The following ADGRV1 variants were observed in gnomAD, a reference collection of about 807,000 sequenced individuals.
The protein encoded by ADGRV1 is adhesion G protein-coupled receptor V1.
A neutral mutation model predicts 596.2 loss-of-function variants in ADGRV1; 359 were observed. That is an observed-to-expected ratio of 0.60 (90% CI 0.55 to 0.66). ADGRV1 has a LOEUF of 0.66. Among genes scored for constraint, ADGRV1 ranks in the 30% least tolerant of loss-of-function variants. ADGRV1 has a pLI of 0.00. For missense variants in ADGRV1, 7,274 were observed against 7,575.6 expected, an observed-to-expected ratio of 0.96 and a Z score of 1.48; for synonymous variants, 2,681 against 2,679.2, an observed-to-expected ratio of 1.00 and a Z score of -0.02.
At chr5:90,587,291 A>G (rs143413533) in intron 1 of ADGRV1, among the ~76,000 whole-genome samples, 15 of 152,210 alleles carry the variant, frequency 9.9e-5, no homozygotes, top group African/African-American at 3.6e-4. Flanking sequence ...TTCTTTCCCC[A>G]GATACCAGTC....
intron 14 of ADGRV1, 107 bp downstream of exon 14, chr5:90,644,090 T>A: frequency 1.2e-6 from 1 of 814,560 alleles, no homozygotes; most frequent in Non-Finnish European, 1.8e-6. Flanking sequence ...TCACCCTGCC[T>A]TAGAAATTAC....
chr5:91,081,377 C>T (rs1410810558), intron 86 of ADGRV1, among the ~76,000 whole-genome samples: 3 of 152,118 alleles, frequency 2.0e-5, no homozygotes, highest in African/African-American at 7.2e-5. Context: ...TGTCTTGAGA[C>T]CAATATTGTT....
At chr5:90,633,794 AT>A (rs1451447806) in intron 9 of ADGRV1, among the ~76,000 whole-genome samples, 1 of 151,920 alleles carries the variant, frequency 6.6e-6, no homozygotes, top group African/African-American at 2.4e-5. Context: ...GATCAATCTA[AT>A]TTTTTTCTTT....
Position 90,653,616 on chromosome 5 carries a change from A to G in ADGRV1, c.4042A>G (p.Arg1348Gly). The G allele has an allele frequency of 6.2e-7, 1 of 1,613,722 alleles. No individual in the cohort carries two copies. The highest frequency in any genetic ancestry group is 1.3e-5 in the African/African-American group (1 of 75,064). ...GTVNPKYHPSRNNTIANFTFS... is the reference protein window; with the variant it reads ...GTVNPKYHPSGNNTIANFTFS... ...TGTTAATCCAAAATACCATCCCTCC[A>G]GGAATAATACAATTGCCAACTTTAC... The change falls in exon 20 of 90, where the codon AGG becomes GGG. Residue 1348 changes from arginine (R) to glycine (G), a missense_variant. Around this residue, in one of 5 missense-constraint regions of ADGRV1, gnomAD observed 1,715 missense variants for 1,708.8 expected, o/e 1.00. Coordinates refer to ENST00000405460, the MANE Select transcript of ADGRV1 (RefSeq NM_032119.4).
At chr5:90,875,799 T>C (rs1378482780) in intron 83 of ADGRV1, among the ~76,000 whole-genome samples, 1 of 152,178 alleles carries the variant, frequency 6.6e-6, no homozygotes, top group Non-Finnish European at 1.5e-5. Context: ...AAAGTTTTCC[T>C]AAGTAATGTC....
At chr5:90,718,709 A>C (rs115956065) in intron 43 of ADGRV1, among the ~76,000 whole-genome samples, 12,353 of 151,856 alleles carry the variant, frequency 0.081, 1,380 homozygotes, top group African/African-American at 0.25. Context: ...TATATATAAA[A>C]ATTCAAATTT....
intron 87 of ADGRV1, among the ~76,000 whole-genome samples, chr5:91,117,002 C>G (rs1458170254): frequency 6.6e-6 from 1 of 152,092 alleles, no homozygotes; most frequent in Non-Finnish European, 1.5e-5. Context: ...AGTCACCTAT[C>G]AGGAATACAA....
Position 90,728,830 on chromosome 5 carries a change from G to A in ADGRV1, c.10323G>A (p.Gly3441=), listed in dbSNP as rs373354231. 6.2e-7 allele frequency: 1 copy of A among 1,613,898 alleles called. No homozygotes were observed. Among genetic ancestry groups the A allele is most frequent in the Non-Finnish European group, 8.5e-7 (1 of 1,179,858 alleles). Residue 3441 remains glycine, a synonymous_variant, in exon 49 of 90, where the codon GGG becomes GGA. Coordinates refer to ENST00000405460, the MANE Select transcript of ADGRV1 (RefSeq NM_032119.4). ...TTTTATTCAGATGGTCTGGCAGTGG[G>A]TTTATTAACTTTCAAGAGGTGCCTG... is the stretch of plus-strand genomic sequence containing the variant. ...NSLLFRWSGS[G]FINFQEVPVS...
intron 83 of ADGRV1, among the ~76,000 whole-genome samples, chr5:90,938,278 C>T (rs552034676): frequency 6.6e-6 from 1 of 152,230 alleles, no homozygotes; most frequent in East Asian, 1.9e-4. Context: ...CCTTTTCTTT[C>T]CTTACATCCA....
chr5:91,142,679 A>G (rs372104666), intron 87 of ADGRV1, among the ~76,000 whole-genome samples: 1 of 152,222 alleles, frequency 6.6e-6, no homozygotes, highest in East Asian at 1.9e-4. Context: ...AATTTTTGAG[A>G]TAATTGTCCA....
At chr5:90,744,194 C>T (rs551317805) in intron 50 of ADGRV1, among the ~76,000 whole-genome samples, 32 of 151,958 alleles carry the variant, frequency 2.1e-4, no homozygotes, top group Admixed American at 4.6e-4. Context: ...ACTATGTTGC[C>T]GGGTCTCGAA....
At chr5:90,658,375 C>T in intron 21 of ADGRV1, 97 bp downstream of exon 21, 1 of 1,129,540 alleles carries the variant, frequency 8.9e-7, no homozygotes, top group East Asian at 2.5e-5. Flanking sequence ...ATTGGTTGCG[C>T]ATCTACTCCA....
intron 1 of ADGRV1, among the ~76,000 whole-genome samples, chr5:90,580,467 C>T (rs1391581065): frequency 6.6e-6 from 1 of 151,866 alleles, no homozygotes; most frequent in African/African-American, 2.4e-5. Flanking sequence ...CACATAGTCC[C>T]ATATTTTTTG....
chr5:90,960,595 AGTTT>A (rs1777923051), intron 83 of ADGRV1, among the ~76,000 whole-genome samples: 1 of 152,184 alleles, frequency 6.6e-6, no homozygotes, highest in South Asian at 2.1e-4. Context: ...GAGGAGGAAA[AGTTT>A]GTTTATGATT....
intron 1 of ADGRV1, among the ~76,000 whole-genome samples, chr5:90,598,822 G>A (rs1403923329): frequency 2.0e-5 from 3 of 152,172 alleles, no homozygotes; most frequent in African/African-American, 7.2e-5. Context: ...TGCACCATGG[G>A]TGTTGTGGAC....
At chr5:91,072,944 G>A (rs780826809) in intron 86 of ADGRV1, among the ~76,000 whole-genome samples, 3 of 152,168 alleles carry the variant, frequency 2.0e-5, no homozygotes, top group Admixed American at 1.3e-4. Context: ...ATTTCTCTCC[G>A]ATTCTGAGAC....
intron 59 of ADGRV1, among the ~76,000 whole-genome samples, chr5:90,773,074 C>T (rs1434121355): frequency 1.3e-5 from 2 of 151,454 alleles, no homozygotes; most frequent in African/African-American, 4.9e-5. Flanking sequence ...GAGACTGAGG[C>T]AGGAGAATAG....
intron 85 of ADGRV1, among the ~76,000 whole-genome samples, chr5:91,071,378 C>A (rs1240596613): frequency 1.3e-5 from 2 of 152,044 alleles, no homozygotes; most frequent in Non-Finnish European, 2.9e-5. Flanking sequence ...AGAAAGGAAC[C>A]TGGTACTCTC....
intron 85 of ADGRV1, among the ~76,000 whole-genome samples, chr5:91,069,673 A>T (rs1431527028): frequency 1.3e-5 from 2 of 152,232 alleles, no homozygotes; most frequent in African/African-American, 4.8e-5. Flanking sequence ...AATATAAATT[A>T]CTTCAGACCC....
Sources: gnomAD v4.1 joint callset for allele counts (sites outside exome capture counted in the v4.1 genomes callset) on GRCh38, gnomAD v4.1.1 for gene constraint, gnomAD v4.1.1 regional missense constraint, MANE v1.5 for transcripts, NCBI Gene and HGNC (gene_info 2026-07-23, HGNC 2026-07-21) for gene names.